The following SPEN variants were observed in gnomAD, a reference collection of about 807,000 sequenced individuals.
SPEN encodes the protein spen family transcriptional repressor, also known as msx2-interacting protein.
SPEN carries 18 observed loss-of-function variants against 269.9 expected under a neutral mutation model. That is an observed-to-expected ratio of 0.07 (90% confidence interval 0.05 to 0.10). The LOEUF (loss-of-function observed/expected upper bound fraction) is 0.10. Ranked by LOEUF, SPEN falls within the 10% of genes least tolerant of loss-of-function variation. The pLI is 1.00. For synonymous variants in SPEN, 1,726 were observed against 1,765.7 expected, an observed-to-expected ratio of 0.98 and a Z score of 0.56; for missense variants, 3,822 against 4,631.2, an observed-to-expected ratio of 0.83 and a Z score of 5.07.
In SPEN at chr1:15,934,436, G is replaced by A; in HGVS notation, c.8196G>A (p.Val2732=). ...CAGTCAATGCCGCTGCGAGTGCAGT[G>A]AATGCCACAGCAAGTGCAGTGACCG... ...PGTVNAAASA[V]NATASAVTVT... is the part of the protein sequence containing the mutation. Residue 2732 remains valine, a synonymous_variant, in exon 11 of 15, where the codon GTG becomes GTA. Coordinates refer to ENST00000375759, the MANE Select transcript of SPEN (RefSeq NM_015001.3). The surrounding 1 kb of genome is among the most constrained non-coding windows in gnomAD (Gnocchi z 9.2). 2 of 1,613,938 alleles carry A rather than the reference G, an allele frequency of 1.2e-6. No individual in the cohort carries two copies. Among genetic ancestry groups the A allele is most frequent in the Non-Finnish European group, 1.7e-6 (2 of 1,180,030 alleles).
At chr1:15,918,555 G>A (rs969622140) in intron 6 of SPEN, among the ~76,000 whole-genome samples, 4 of 152,170 alleles carry the variant, frequency 2.6e-5, no homozygotes, top group Admixed American at 2.6e-4. Context: ...CCCTAATAAC[G>A]ATTTTAGATA....
chr1:15,900,051 G>C (rs1051584547), intron 3 of SPEN, among the ~76,000 whole-genome samples: 3 of 152,052 alleles, frequency 2.0e-5, no homozygotes, highest in Middle Eastern at 3.4e-3. Context: ...TCAGCATATT[G>C]GTCAGGGTGG....
In SPEN at chr1:15,861,902, C is replaced by T. The variant is rs1314684435; in HGVS notation, c.84-10914C>T. ...TAAAAATATGAAAAAATTAGCTGGG[C>T]GTGGTAGCACATGCCTGTAATCACA... On this transcript the variant is annotated intron_variant, in intron 1 of 14. Coordinates refer to ENST00000375759, the MANE Select transcript of SPEN (RefSeq NM_015001.3). 5.3e-5 allele frequency among the ~76,000 whole-genome samples: 8 copies of T among 152,184 alleles called. No individual in the cohort carries two copies. In the South Asian group the frequency reaches 1.0e-3, roughly 20 times the overall value.
Position 15,879,126 on chromosome 1 carries a change from G to T in SPEN, c.881+2448G>T, listed in dbSNP as rs932254472. ...GGCTGAGGTGGGTAGATCACTTGAG[G>T]TCGGTCAGGAGTTCGAGACCAGCCT... On this transcript the variant is annotated intron_variant, in intron 3 of 14. Coordinates refer to ENST00000375759, the MANE Select transcript of SPEN (RefSeq NM_015001.3). Among the ~76,000 whole-genome samples the T allele has an allele frequency of 1.5e-4, 22 of 151,302 alleles. 1 individual carries two copies. Among genetic ancestry groups the T allele is most frequent in the African/African-American group, 5.1e-4 (21 of 41,188 alleles).
In SPEN at chr1:15,932,839, C is replaced by T; in HGVS notation, c.6599C>T (p.Pro2200Leu). The T allele has an allele frequency of 6.2e-7, 1 of 1,614,208 alleles. No homozygotes were observed. Residue 2200 changes from proline (P) to leucine (L), a missense_variant, in exon 11 of 15, where the codon CCA becomes CTA. Transcript: ENST00000375759. This position sits in a 1 kb window ranked among gnomAD's most constrained non-coding sequence, Gnocchi z 4.2. Reference sequence around the variant, plus strand: ...GCAGATGCACCAGAGGGCCTTGCCCCAGAGGACAGGGACAAGCCTGCACAC... The same window carrying T: ...GCAGATGCACCAGAGGGCCTTGCCCTAGAGGACAGGGACAAGCCTGCACAC... ...YKADAPEGLA[P>L]EDRDKPAHQA...
At chr1:15,908,708 C>T (rs2070984761) in intron 3 of SPEN, among the ~76,000 whole-genome samples, 1 of 152,144 alleles carries the variant, frequency 6.6e-6, no homozygotes, top group Non-Finnish European at 1.5e-5. Flanking sequence ...GCCACTGAGC[C>T]CCATCTGTTT....
At chr1:15,886,232 AC>A (rs1220957816) in intron 3 of SPEN, among the ~76,000 whole-genome samples, 1 of 152,148 alleles carries the variant, frequency 6.6e-6, no homozygotes, top group Admixed American at 6.6e-5. Context: ...TGAAGTGGGA[AC>A]CTTGCTTTTA....
intron 1 of SPEN, among the ~76,000 whole-genome samples, chr1:15,863,691 A>G (rs553052188): frequency 8.6e-5 from 13 of 152,034 alleles, no homozygotes; most frequent in Admixed American, 7.2e-4. Context: ...AAACAAAAAC[A>G]TCAGCTGGGT....
At chr1:15,908,772 C>T (rs1344082562) in intron 3 of SPEN, among the ~76,000 whole-genome samples, 1 of 152,140 alleles carries the variant, frequency 6.6e-6, no homozygotes, top group East Asian at 1.9e-4. Flanking sequence ...TTTCATTTTA[C>T]ACACTTGATA....
intron 1 of SPEN, among the ~76,000 whole-genome samples, chr1:15,869,219 G>A (rs887294793): frequency 6.6e-6 from 1 of 151,874 alleles, no homozygotes; most frequent in African/African-American, 2.4e-5. Context: ...ACCACACTCG[G>A]CTAATTTTTT....
In SPEN at chr1:15,930,544, C is replaced by T. The variant is rs1224202162; in HGVS notation, c.4304C>T (p.Ala1435Val). ...GAAAGGAACAAATTTTACTCTTTTGCATTGGATAAGACAATCACACCAGAC... is the reference window on the plus strand; with the variant it reads ...GAAAGGAACAAATTTTACTCTTTTGTATTGGATAAGACAATCACACCAGAC... Reference protein sequence around the residue: ...SLERNKFYSFALDKTITPDTK... With the variant: ...SLERNKFYSFVLDKTITPDTK... The change falls in exon 11 of 15, where the codon GCA (alanine) becomes GTA (valine). Residue 1435 changes from alanine to valine, a missense_variant. This residue lies in a region of SPEN where 267 missense variants were observed against 315.5 expected (regional missense o/e 0.85). Coordinates refer to ENST00000375759, the MANE Select transcript of SPEN (RefSeq NM_015001.3). This position sits in a 1 kb window ranked among gnomAD's most constrained non-coding sequence, Gnocchi z 5.3. 6.2e-7 allele frequency: 1 copy of T among 1,613,954 alleles called. No individual in the cohort carries two copies. Among genetic ancestry groups the T allele is most frequent in the African/African-American group, 1.3e-5 (1 of 74,904 alleles).
chr1:15,861,425 T>C (rs2070447663), intron 1 of SPEN, among the ~76,000 whole-genome samples: 1 of 152,164 alleles, frequency 6.6e-6, no homozygotes, highest in Non-Finnish European at 1.5e-5. Flanking sequence ...CCAGCGTGCC[T>C]GGCCCAGATA....
Position 15,933,766 on chromosome 1 carries a change from G to T in SPEN, c.7526G>T (p.Arg2509Leu), listed in dbSNP as rs750174025. 8.1e-6 allele frequency: 13 copies of T among 1,613,746 alleles called. No homozygotes were observed. The Admixed American group carries it at 2.2e-4, about 27-fold the overall frequency. The stretch of plus-strand genomic sequence containing the variant: ...TGGATCACAAGGCAGGAGGAGCCAC[G>T]GGCTCAGTCTACTCCATCTCCAGCT... The part of the protein sequence containing the change: ...TEWITRQEEP[R>L]AQSTPSPALP... Residue 2509 changes from arginine (R) to leucine (L), a missense_variant, in exon 11 of 15, where the codon CGG becomes CTG. Physicochemically the swap from Arg to Leu is moderately radical, Grantham distance 102. Coordinates refer to ENST00000375759, the MANE Select transcript of SPEN (RefSeq NM_015001.3). This position sits in a 1 kb window ranked among gnomAD's most constrained non-coding sequence, Gnocchi z 5.7.
intron 1 of SPEN, among the ~76,000 whole-genome samples, chr1:15,856,692 C>T (rs946954027): frequency 1.5e-4 from 22 of 150,786 alleles, no homozygotes; most frequent in African/African-American, 4.6e-4. Context: ...CTCAGTTTCT[C>T]GAGTAACTGG....
Position 15,937,606 on chromosome 1 carries a change from G to C in SPEN, c.10470G>C (p.Leu3490=), listed in dbSNP as rs756250104. 6.2e-7 allele frequency: 1 copy of C among 1,614,038 alleles called. No individual in the cohort carries two copies. Among genetic ancestry groups the C allele is most frequent in the South Asian group, 1.1e-5 (1 of 91,078 alleles). ...PAPKQDSSPH[L]TSQRPVDMVQ... is the part of the protein sequence containing the mutation. Reference sequence around the variant, plus strand: ...CCAAACAAGATTCCTCTCCACACCTGACTTCCCAGAGACCCGTGGATATGG... The same window carrying C: ...CCAAACAAGATTCCTCTCCACACCTCACTTCCCAGAGACCCGTGGATATGG... Residue 3490 remains leucine (L), a synonymous_variant, in exon 12 of 15, where the codon CTG becomes CTC. Coordinates refer to ENST00000375759, the MANE Select transcript of SPEN (RefSeq NM_015001.3). This position sits in a 1 kb window ranked among gnomAD's most constrained non-coding sequence, Gnocchi z 5.7.
chr1:15,906,627 C>A (rs1323734606), intron 3 of SPEN, among the ~76,000 whole-genome samples: 1 of 151,592 alleles, frequency 6.6e-6, no homozygotes, highest in Non-Finnish European at 1.5e-5. Flanking sequence ...CCAAGCCTGG[C>A]TAATTTTTGT....
chr1:15,924,305 G>T (rs2071147080), intron 10 of SPEN, among the ~76,000 whole-genome samples: 1 of 152,136 alleles, frequency 6.6e-6, no homozygotes, highest in Admixed American at 6.5e-5. Flanking sequence ...ATCTATATGT[G>T]AGTGGAAAGT....
At position 15,921,035 on chromosome 1, in the gene SPEN, A is replaced by T. The variant is rs2071112977; in HGVS notation, c.1749+52A>T. 5.6e-6 allele frequency: 7 copies of T among 1,259,260 alleles called. No individual in the cohort carries two copies. The South Asian group carries it at 9.2e-5, about 17-fold the overall frequency. The allele number at this position is 1,259,260 out of a possible 1,614,324, so 78.0% of individuals were successfully genotyped here. A position where few individuals can be genotyped will look rare whatever the true frequency, so the allele number is the denominator to read the frequency against. On this transcript the variant is annotated intron_variant, in intron 9 of 14. Transcript: ENST00000375759. ...CAAAACAAAGTCCTATTCAAATCTC[A>T]CCCTCTTGGGCTGGGCGTGGTGGCT...
At chr1:15,880,780 A>G (rs1308942889) in intron 3 of SPEN, among the ~76,000 whole-genome samples, 1 of 152,050 alleles carries the variant, frequency 6.6e-6, no homozygotes, top group Non-Finnish European at 1.5e-5. Context: ...GTATCTATAC[A>G]TAAAAAGAAC....
Sources: gnomAD v4.1 joint callset for allele counts (sites outside exome capture counted in the v4.1 genomes callset) on GRCh38, gnomAD v4.1.1 for gene constraint, gnomAD v4.1.1 regional missense constraint, Gnocchi (gnomAD v3.1) non-coding constraint, MANE v1.5 for transcripts, NCBI Gene and HGNC (gene_info 2026-07-23, HGNC 2026-07-21) for gene names.